Variants in RAB6A observed in about 807,000 individuals in gnomAD.
RAB6A encodes RAB6A, member RAS oncogene family, also known as ras-related protein Rab-6A.
A neutral mutation model predicts 32.3 loss-of-function variants in RAB6A; 8 were observed. The ratio of observed to expected loss-of-function variants is 0.25; its 90% confidence interval spans 0.15 to 0.45. RAB6A has a LOEUF of 0.45. Ranked by LOEUF, RAB6A falls within the 20% of genes least tolerant of loss-of-function variation. The probability of loss-of-function intolerance (pLI) is 1.00; values close to 1 mark genes in which losing one functional copy is unlikely to be tolerated. For synonymous variants in RAB6A, 73 were observed against 82.1 expected, an observed-to-expected ratio of 0.89 and a Z score of 0.60; for missense variants, 104 against 249.4, an observed-to-expected ratio of 0.42 and a Z score of 3.93.
intron 5 of RAB6A, among the ~76,000 whole-genome samples, chr11:73,711,425 A>G (rs1270533330): frequency 6.6e-6 from 1 of 152,190 alleles, no homozygotes; most frequent in South Asian, 2.1e-4. Flanking sequence ...CTCCATAGTA[A>G]TATATACATT....
chr11:73,716,580 G>A (rs1277954855), intron 4 of RAB6A, among the ~76,000 whole-genome samples: 1 of 151,966 alleles, frequency 6.6e-6, no homozygotes, highest in Non-Finnish European at 1.5e-5. Flanking sequence ...TCCTTTTAGA[G>A]TAGTTTAAAA....
intron 6 of RAB6A, among the ~76,000 whole-genome samples, chr11:73,681,887 G>A (rs1269660988): frequency 6.6e-6 from 1 of 152,128 alleles, no homozygotes; most frequent in Non-Finnish European, 1.5e-5. Flanking sequence ...GATAGGGTAG[G>A]TGCAGGGATA....
At chr11:73,720,938 T>A (rs767128078) in intron 2 of RAB6A, 39 bp from the exon 3 acceptor site, 1 of 1,435,770 alleles carries the variant, frequency 7.0e-7, no homozygotes, top group Middle Eastern at 1.8e-4. Flanking sequence ...ATAATAAGTT[T>A]AATGGTGGCC....
chr11:73,714,203 A>ATATATATATATAT (rs1202329143), intron 5 of RAB6A, among the ~76,000 whole-genome samples: 1 of 62,610 alleles, frequency 1.6e-5, no homozygotes, highest in Non-Finnish European at 3.2e-5. Flanking sequence ...AAAAAAAAAA[A>ATATATATATATAT]AAAAAAATAT....
chr11:73,759,956 C>A, intron 1 of RAB6A: 12 of 1,151,586 alleles, frequency 1.0e-5, no homozygotes, highest in Non-Finnish European at 1.4e-5. Context: ...ATGCTCAAGT[C>A]GTCTCCAATT....
At chr11:73,751,346 C>A (rs1342825204) in intron 1 of RAB6A, among the ~76,000 whole-genome samples, 2 of 152,148 alleles carry the variant, frequency 1.3e-5, no homozygotes, top group Non-Finnish European at 2.9e-5. Flanking sequence ...CTCGGAAAAT[C>A]TGAATCATCC....
chr11:73,760,687 A>C lies in RAB6A; in HGVS notation c.-52T>G, dbSNP rs756162556. 8 of 1,573,442 alleles carry C rather than the reference A, an allele frequency of 5.1e-6. No individual in the cohort carries two copies. Among genetic ancestry groups the C allele is most frequent in the Non-Finnish European group, 6.9e-6 (8 of 1,159,438 alleles). ...CTCAGCCTAGAGACCTCCCGGACCG[A>C]TGCTGCTCCAGCCAGCTGACGAAAA... On this transcript the variant is annotated 5_prime_UTR_variant, in exon 1 of 8. Coordinates refer to ENST00000336083, the MANE Select transcript of RAB6A (RefSeq NM_198896.2).
intron 1 of RAB6A, among the ~76,000 whole-genome samples, chr11:73,755,874 A>G (rs370212567): frequency 6.8e-6 from 1 of 146,326 alleles, no homozygotes; most frequent in Non-Finnish European, 1.5e-5. Flanking sequence ...AAGAAGAACA[A>G]GAGGAGGAGG....
intron 1 of RAB6A, among the ~76,000 whole-genome samples, chr11:73,748,643 C>A (rs1437305875): frequency 6.6e-6 from 1 of 152,278 alleles, no homozygotes; most frequent in East Asian, 1.9e-4. Flanking sequence ...GCTCCTGATG[C>A]TAGTCTCCGT....
chr11:73,715,962 A>G (rs972138960), intron 5 of RAB6A, among the ~76,000 whole-genome samples: 3 of 152,238 alleles, frequency 2.0e-5, no homozygotes, highest in Non-Finnish European at 4.4e-5. Flanking sequence ...AACACTTTTC[A>G]TACTTATGAG....
intron 1 of RAB6A, among the ~76,000 whole-genome samples, chr11:73,748,652 G>A (rs768881028): frequency 7.9e-5 from 12 of 152,186 alleles, no homozygotes; most frequent in African/African-American, 1.7e-4. Flanking sequence ...GCTAGTCTCC[G>A]TATTTTTCTA....
chr11:73,699,688 T>C (rs1034416552), intron 6 of RAB6A, among the ~76,000 whole-genome samples: 1 of 152,170 alleles, frequency 6.6e-6, no homozygotes, highest in Non-Finnish European at 1.5e-5. Context: ...TTCCCAACAA[T>C]ATCATAAGTT....
chr11:73,679,450 T>C (rs894627532), intron 7 of RAB6A, among the ~76,000 whole-genome samples: 1 of 152,182 alleles, frequency 6.6e-6, no homozygotes, highest in Non-Finnish European at 1.5e-5. Context: ...AACCTCTCAC[T>C]GATTAACAAC....
intron 6 of RAB6A, among the ~76,000 whole-genome samples, chr11:73,683,918 CA>C (rs1170607267): frequency 1.3e-5 from 2 of 152,076 alleles, no homozygotes; most frequent in African/African-American, 4.8e-5. Flanking sequence ...TTGCATGCTA[CA>C]GAGAAATCAT....
At chr11:73,721,490 T>A (rs1377694995) in intron 2 of RAB6A, among the ~76,000 whole-genome samples, 1 of 152,178 alleles carries the variant, frequency 6.6e-6, no homozygotes, top group Non-Finnish European at 1.5e-5. Context: ...TGTAAAGTTC[T>A]ATTGCCTGGC....
chr11:73,745,252 C>T (rs1946569248), intron 1 of RAB6A, among the ~76,000 whole-genome samples: 1 of 152,112 alleles, frequency 6.6e-6, no homozygotes, highest in South Asian at 2.1e-4. Context: ...TTTTCTTGTT[C>T]ATAGCTGTAT....
At chr11:73,722,056 G>GTGTGTGTGTGT (rs1555061901) in intron 2 of RAB6A, among the ~76,000 whole-genome samples, 6 of 150,938 alleles carry the variant, frequency 4.0e-5, no homozygotes, top group Non-Finnish European at 3.0e-5. Context: ...CTTCTGCCAT[G>GTGTGTGTGTGT]ATTGTAAGTT....
Position 73,677,301 on chromosome 11 carries a change from AAAGAAGACCGTAATTTATATCAGTGCTC to A in RAB6A, c.*569_*596del, listed in dbSNP as rs1565340897. On this transcript the variant is annotated 3_prime_UTR_variant, in exon 8 of 8. Coordinates refer to ENST00000336083, the MANE Select transcript of RAB6A (RefSeq NM_198896.2). ...ACCATGATGGCTGAATTTTGACCTCAAAGAAGACCGTAATTTATATCAGTGCTCAAGAATAATTTTGGACATCTTGGTC... is the reference window on the plus strand; with the variant it reads ...ACCATGATGGCTGAATTTTGACCTCAAAGAATAATTTTGGACATCTTGGTC... 5.9e-6 allele frequency: 1 copy of A among 168,634 alleles called. No individual in the cohort carries two copies. Among genetic ancestry groups the A allele is most frequent in the East Asian group, 1.9e-4 (1 of 5,212 alleles). 10.4% of individuals were successfully genotyped at this position (168,634 alleles called of 1,614,324 possible).
intron 5 of RAB6A, among the ~76,000 whole-genome samples, chr11:73,709,669 T>C (rs988280842): frequency 6.7e-6 from 1 of 149,902 alleles, no homozygotes; most frequent in Non-Finnish European, 1.5e-5. Flanking sequence ...ATGCCTAATT[T>C]GTCACTTCTT....
Sources: gnomAD v4.1 joint callset for allele counts (sites outside exome capture counted in the v4.1 genomes callset) on GRCh38, gnomAD v4.1.1 for gene constraint, MANE v1.5 for transcripts, NCBI Gene and HGNC (gene_info 2026-07-23, HGNC 2026-07-21) for gene names.